Variants in ANKS1B observed in about 807,000 individuals in gnomAD.
ANKS1B encodes ankyrin repeat and sterile alpha motif domain containing 1B.
ANKS1B carries 36 observed loss-of-function variants against 148.3 expected under a neutral mutation model. The ratio of observed to expected loss-of-function variants is 0.24; its 90% CI spans 0.19 to 0.32. The LOEUF is 0.32. Ranked by LOEUF, ANKS1B falls within the 10% of genes least tolerant of loss-of-function variation. The pLI is 1.00. For synonymous variants in ANKS1B, 542 were observed against 560.8 expected (o/e 0.97, Z 0.47); for missense variants, 1,157 against 1,542.6 (o/e 0.75, Z 4.19).
At chr12:99,457,963 G>A (rs756943583) in intron 10 of ANKS1B, among the ~76,000 whole-genome samples, 22 of 152,016 alleles carry the variant, frequency 1.4e-4, no homozygotes, top group Admixed American at 8.5e-4. Context: ...CCCAACAACT[G>A]CAGAATATAC....
At chr12:99,525,103 G>A (rs1439492272) in intron 9 of ANKS1B, among the ~76,000 whole-genome samples, 1 of 140,966 alleles carries the variant, frequency 7.1e-6, no homozygotes, top group Admixed American at 6.9e-5. Flanking sequence ...TAATACATTT[G>A]TGTTGTTTTT....
intron 14 of ANKS1B, among the ~76,000 whole-genome samples, chr12:99,217,831 A>C (rs371087173): frequency 6.6e-6 from 1 of 152,186 alleles, no homozygotes; most frequent in African/African-American, 2.4e-5. Flanking sequence ...ATCTAAAAAG[A>C]GGTTGTATTA....
intron 17 of ANKS1B, chr12:98,976,516 AAAG>A (rs1474745469): frequency 6.6e-6 from 1 of 152,200 alleles, no homozygotes; most frequent in African/African-American, 2.4e-5. Flanking sequence ...AAATAGACCG[AAAG>A]AAGAGCCTGC....
intron 9 of ANKS1B, among the ~76,000 whole-genome samples, chr12:99,588,833 C>T (rs2097670324): frequency 1.3e-5 from 2 of 152,186 alleles, no homozygotes; most frequent in Non-Finnish European, 2.9e-5. Flanking sequence ...ATAACTGCCA[C>T]ATCCAAAAAT....
intron 16 of ANKS1B, among the ~76,000 whole-genome samples, chr12:99,063,073 A>G (rs1415675935): frequency 1.3e-5 from 2 of 152,096 alleles, no homozygotes; most frequent in African/African-American, 2.4e-5. Flanking sequence ...AGATACAAAC[A>G]CAGCAACCTA....
chr12:99,223,116 TG>T (rs2085369632), intron 14 of ANKS1B, among the ~76,000 whole-genome samples: 2 of 152,224 alleles, frequency 1.3e-5, no homozygotes, highest in Non-Finnish European at 2.9e-5. Context: ...AAGCAGTGGG[TG>T]ACATAGGAAA....
At chr12:99,446,563 G>C (rs1033135555) in intron 10 of ANKS1B, among the ~76,000 whole-genome samples, 1 of 152,018 alleles carries the variant, frequency 6.6e-6, no homozygotes, top group Non-Finnish European at 1.5e-5. Context: ...GGCAGAAAAG[G>C]ATTCAAATTT....
chr12:98,964,862 C>T (rs944052860), intron 17 of ANKS1B, among the ~76,000 whole-genome samples: 56 of 151,072 alleles, frequency 3.7e-4, no homozygotes, highest in African/African-American at 1.3e-3. Context: ...ATGGTAAATA[C>T]GTATAAAAAT....
At chr12:99,980,774 T>TA (rs1435024876) in intron 1 of ANKS1B, among the ~76,000 whole-genome samples, 9 of 152,024 alleles carry the variant, frequency 5.9e-5, no homozygotes, top group Non-Finnish European at 7.4e-5. Context: ...TCTAAAGAAC[T>TA]ATCCTGCAGA....
intron 17 of ANKS1B, among the ~76,000 whole-genome samples, chr12:98,924,358 T>C (rs947790771): frequency 7.2e-5 from 11 of 152,242 alleles, no homozygotes; most frequent in African/African-American, 2.4e-4. Context: ...AGGTAGATAG[T>C]ACAGGTTTTA....
At chr12:99,482,290 A>G (rs2096423362) in intron 10 of ANKS1B, among the ~76,000 whole-genome samples, 1 of 151,790 alleles carries the variant, frequency 6.6e-6, no homozygotes, top group African/African-American at 2.4e-5. Flanking sequence ...TAGGGTGTCC[A>G]TTCCCAAATT....
intron 12 of ANKS1B, among the ~76,000 whole-genome samples, chr12:99,256,286 A>G (rs1473441891): frequency 6.6e-6 from 1 of 151,900 alleles, no homozygotes; most frequent in African/African-American, 2.4e-5. Flanking sequence ...AAAAGTCTAA[A>G]GTTAAATAAT....
chr12:99,524,231 TTTTTTTAAAA>T (rs2096904381), intron 9 of ANKS1B, among the ~76,000 whole-genome samples: 1 of 152,098 alleles, frequency 6.6e-6, no homozygotes, highest in African/African-American at 2.4e-5. Flanking sequence ...AAAAATAACT[TTTTTTTAAAA>T]CGAAGATACT....
At chr12:99,049,811 T>C (rs1296742166) in intron 17 of ANKS1B, among the ~76,000 whole-genome samples, 6 of 152,246 alleles carry the variant, frequency 3.9e-5, no homozygotes, top group African/African-American at 1.4e-4. Context: ...TCTTATCTAG[T>C]TCTACCCAAA....
intron 12 of ANKS1B, among the ~76,000 whole-genome samples, chr12:99,367,866 G>C (rs1323827301): frequency 6.6e-6 from 1 of 151,924 alleles, no homozygotes; most frequent in Non-Finnish European, 1.5e-5. Context: ...GAATAAAGTA[G>C]GGAATAGATG....
chr12:99,429,828 G>A (rs1487877190), intron 11 of ANKS1B, among the ~76,000 whole-genome samples: 4 of 152,106 alleles, frequency 2.6e-5, no homozygotes, highest in Admixed American at 1.3e-4. Flanking sequence ...GCCGGGCGTG[G>A]TGGCAGGCGC....
At chr12:99,362,132 C>G (rs1317093442) in intron 12 of ANKS1B, among the ~76,000 whole-genome samples, 12 of 151,998 alleles carry the variant, frequency 7.9e-5, no homozygotes, top group Admixed American at 6.6e-4. Flanking sequence ...AATGAGATAG[C>G]ATATTGCTAA....
chr12:98,800,724 G>GT (rs2153590443), intron 21 of ANKS1B, among the ~76,000 whole-genome samples: 1 of 129,294 alleles, frequency 7.7e-6, no homozygotes, highest in Non-Finnish European at 1.7e-5. Context: ...TTTTAAGATT[G>GT]TACGTTATAA....
chr12:99,067,239 A>G (rs1340637849), intron 16 of ANKS1B, among the ~76,000 whole-genome samples: 1 of 152,250 alleles, frequency 6.6e-6, no homozygotes, highest in Admixed American at 6.5e-5. Context: ...TGGTGCCCTC[A>G]ACATTGGGCA....
Sources: gnomAD v4.1 joint callset for allele counts (sites outside exome capture counted in the v4.1 genomes callset) on GRCh38, gnomAD v4.1.1 for gene constraint, MANE v1.5 for transcripts, NCBI Gene and HGNC (gene_info 2026-07-23, HGNC 2026-07-21) for gene names.